Variants in TTC17 observed in about 807,000 individuals in gnomAD.
The protein encoded by TTC17 is tetratricopeptide repeat protein 17.
A neutral mutation model predicts 143.8 loss-of-function variants in TTC17; 58 were observed. That is an observed-to-expected ratio of 0.40 (90% confidence interval 0.33 to 0.50). The LOEUF (loss-of-function observed/expected upper bound fraction) is 0.50, where lower values mean the gene tolerates loss of function less well. TTC17 is among the 20% of genes least tolerant of loss of function. The pLI is 0.49. For synonymous variants in TTC17, 501 were observed against 497.8 expected (o/e 1.01, Z -0.09); for missense variants, 1,273 against 1,392.5 (o/e 0.91, Z 1.37).
intron 21 of TTC17, among the ~76,000 whole-genome samples, chr11:43,480,720 T>A (rs1226044867): frequency 6.6e-6 from 1 of 152,178 alleles, no homozygotes; most frequent in Non-Finnish European, 1.5e-5. Flanking sequence ...TCAAAAGCCC[T>A]TTTATTATGC....
rs192428020 is a variant in TTC17 at position 43,450,044 on chromosome 11, A to G, written c.2787-38A>G. 68 of 1,594,386 alleles carry G rather than the reference A, an allele frequency of 4.3e-5. No individual in the cohort carries two copies. In the Admixed American group the frequency reaches 1.2e-3, roughly 27 times the overall value. ...TCTCTTCTCTTCCCACCCACTCAAA[A>G]ATTTCCCATAGCTAATGTGGTAATC... On this transcript the variant is annotated intron_variant, in intron 19 of 23. Coordinates refer to ENST00000039989, the MANE Select transcript of TTC17 (RefSeq NM_018259.6).
At chr11:43,405,656 A>G (rs1430084113) in intron 12 of TTC17, 27 bp downstream of exon 12, 1 of 1,612,850 alleles carries the variant, frequency 6.2e-7, no homozygotes, top group South Asian at 1.1e-5. Flanking sequence ...TTGGCAAAGC[A>G]CCTGATTCTG....
chr11:43,376,150 A>G (rs1856757394), intron 1 of TTC17, among the ~76,000 whole-genome samples: 2 of 152,228 alleles, frequency 1.3e-5, no homozygotes, highest in South Asian at 4.1e-4. Flanking sequence ...GGATTTTCAG[A>G]TTAGGAATAT....
chr11:43,481,316 A>T (rs1209360114), intron 21 of TTC17, among the ~76,000 whole-genome samples: 1 of 151,526 alleles, frequency 6.6e-6, no homozygotes, highest in Non-Finnish European at 1.5e-5. Context: ...GTCAGTTTGT[A>T]CCTGTGTTTA....
chr11:43,386,847 G>C (rs186641277), intron 2 of TTC17, among the ~76,000 whole-genome samples: 1 of 152,212 alleles, frequency 6.6e-6, no homozygotes, highest in Admixed American at 6.5e-5. Flanking sequence ...AAAGCAGGTA[G>C]GATGATCATT....
At chr11:43,416,819 C>T (rs113047999) in intron 16 of TTC17, among the ~76,000 whole-genome samples, 1,547 of 152,196 alleles carry the variant, frequency 0.01, 29 homozygotes, top group African/African-American at 0.035. Flanking sequence ...GTTACTTAAT[C>T]CTGGAATATA....
rs755058098 is a variant in TTC17, at chr11:43,396,445, T to C, written c.664-264T>C. 10 of 237,608 alleles carry C rather than the reference T, an allele frequency of 4.2e-5. No individual in the cohort carries two copies. The East Asian group carries it at 7.1e-4, about 17-fold the overall frequency. 14.7% of individuals were successfully genotyped at this position (237,608 alleles called of 1,614,324 possible). On this transcript the variant is annotated intron_variant, in intron 5 of 23. Transcript: ENST00000039989. ...ATCAGTTGGTGGGATTTTTCTTATT[T>C]CCCTCTTGGAATAAGCTGGAGTTGG... is the stretch of plus-strand genomic sequence containing the variant.
Position 43,405,809 on chromosome 11 carries a change from A to G in TTC17, c.1619A>G (p.Asp540Gly). ...AGGATCCACGAACTCAGCAGTGATG[A>G]TTATTCTACAGAAGAAGAGGCCCAA... is the stretch of plus-strand genomic sequence containing the variant. ...GLRIHELSSD[D>G]YSTEEEAQTP... The change falls in exon 13 of 24, where the codon GAT (aspartate) becomes GGT (glycine). Residue 540 changes from aspartate (D) to glycine (G), a missense_variant. Around this residue, in one of 3 missense-constraint regions of TTC17, gnomAD observed 878 missense variants for 899.8 expected, o/e 0.98. Coordinates refer to ENST00000039989, the MANE Select transcript of TTC17 (RefSeq NM_018259.6). The G allele has an allele frequency of 6.2e-7, 1 of 1,614,032 alleles. No individual in the cohort carries two copies. Among genetic ancestry groups the G allele is most frequent in the South Asian group, 1.1e-5 (1 of 91,066 alleles).
At chr11:43,373,272 A>C (rs1451741306) in intron 1 of TTC17, among the ~76,000 whole-genome samples, 3 of 151,998 alleles carry the variant, frequency 2.0e-5, no homozygotes, top group African/African-American at 7.3e-5. Context: ...GTAGCCAGCC[A>C]CTGCTAATTA....
intron 7 of TTC17, 73 bp from the exon 8 acceptor site, chr11:43,397,901 C>CGTGTGTGTGTGTGT (rs368934799): frequency 5.6e-6 from 7 of 1,253,746 alleles, no homozygotes; most frequent in East Asian, 3.0e-5. Flanking sequence ...TTTTTTTTTC[C>CGTGTGTGTGTGTGT]GTGTGTGTGT....
chr11:43,392,349 T>C (rs925756363), intron 5 of TTC17, among the ~76,000 whole-genome samples: 1 of 152,162 alleles, frequency 6.6e-6, no homozygotes, highest in African/African-American at 2.4e-5. Context: ...CAACAAAATC[T>C]TCTGTAACTT....
At chr11:43,414,019 G>A (rs1487913520) in intron 15 of TTC17, among the ~76,000 whole-genome samples, 6 of 152,102 alleles carry the variant, frequency 3.9e-5, no homozygotes, top group East Asian at 1.9e-4. Flanking sequence ...CATAATAGAC[G>A]AAAGTGGAAA....
Position 43,403,923 on chromosome 11 carries a change from T to C in TTC17, c.1333-75T>C, listed in dbSNP as rs901629748. ...TAATTTTGAATATTCACTCGCTTTT[T>C]TGGTGTGAGTTAAATTATAATCACA... On this transcript the variant is annotated intron_variant, in intron 10 of 23. Transcript: ENST00000039989. The C allele has an allele frequency of 5.3e-6, 7 of 1,311,554 alleles. No individual in the cohort carries two copies. In the South Asian group the frequency reaches 6.2e-5, roughly 12 times the overall value. The allele number at this position is 1,311,554 out of a possible 1,614,324, so 81.2% of individuals were successfully genotyped here.
chr11:43,478,754 A>C (rs1006659415), intron 21 of TTC17, among the ~76,000 whole-genome samples: 6 of 152,038 alleles, frequency 3.9e-5, no homozygotes, highest in African/African-American at 1.4e-4. Context: ...GCAACCCCCA[A>C]AGTAGTTAGG....
In TTC17 at chr11:43,493,943, T is replaced by TA. The variant is rs772016604; in HGVS notation, c.*48dup. The TA allele has an allele frequency of 4.0e-4, 595 of 1,494,044 alleles. No homozygotes were observed. The highest frequency in any genetic ancestry group is 7.8e-4 in the South Asian group (58 of 74,028). The allele number at this position is 1,494,044 out of a possible 1,614,324, so 92.5% of individuals were successfully genotyped here. On this transcript the variant is annotated 3_prime_UTR_variant, in exon 24 of 24. Coordinates refer to ENST00000039989, the MANE Select transcript of TTC17 (RefSeq NM_018259.6). Reference sequence around the variant, plus strand: ...TCTCTCTTTCTCTTTACTCATGCTCTAAAAAAAAAGAATAAGAAAAGAAAC... The same window carrying TA: ...TCTCTCTTTCTCTTTACTCATGCTCTAAAAAAAAAAGAATAAGAAAAGAAAC...
Position 43,389,637 on chromosome 11 carries a change from CT to C in TTC17, c.250-12del, listed in dbSNP as rs753702648. On this transcript the variant is annotated splice_polypyrimidine_tract_variant and intron_variant, in intron 2 of 23. Coordinates refer to ENST00000039989, the MANE Select transcript of TTC17 (RefSeq NM_018259.6). ...ATTAGAAGAATCCATTCTGTTCTTACTTTCTTCTCAACAGAAACAATTAGTT... is the reference window on the plus strand; with the variant it reads ...ATTAGAAGAATCCATTCTGTTCTTACTTCTTCTCAACAGAAACAATTAGTT... 1 of 1,597,378 alleles carries C rather than the reference CT, an allele frequency of 6.3e-7. No individual in the cohort carries two copies. Among genetic ancestry groups the C allele is most frequent in the East Asian group, 2.2e-5 (1 of 44,526 alleles).
intron 21 of TTC17, among the ~76,000 whole-genome samples, chr11:43,454,133 G>A (rs534495936): frequency 6.6e-6 from 1 of 152,274 alleles, no homozygotes; most frequent in South Asian, 2.1e-4. Flanking sequence ...GAGAATATAT[G>A]AAAGGTAAAA....
At chr11:43,476,042 G>A (rs1315407828) in intron 21 of TTC17, among the ~76,000 whole-genome samples, 4 of 152,156 alleles carry the variant, frequency 2.6e-5, no homozygotes, top group African/African-American at 7.2e-5. Context: ...TTTATTTGCT[G>A]AAAAAACTAG....
rs752182875 is a variant in TTC17, at chr11:43,403,993, T to G, written c.1333-5T>G. The G allele has an allele frequency of 1.3e-6, 2 of 1,580,932 alleles. No individual in the cohort carries two copies. Among genetic ancestry groups the G allele is most frequent in the Non-Finnish European group, 1.7e-6 (2 of 1,164,132 alleles). ...TTTGATTGAACTTTTTGTTTCATTT[T>G]CTAGTTTGGTGAGGATTCATCAACC... is the stretch of plus-strand genomic sequence containing the variant. On this transcript the variant is annotated splice_region_variant and splice_polypyrimidine_tract_variant and intron_variant, in intron 10 of 23. Coordinates refer to ENST00000039989, the MANE Select transcript of TTC17 (RefSeq NM_018259.6).
Sources: allele counts gnomAD v4.1 joint callset (sites outside exome capture counted in the v4.1 genomes callset), GRCh38; gene constraint gnomAD v4.1.1; regional missense constraint gnomAD v4.1.1; transcripts MANE v1.5; gene names NCBI Gene and HGNC (gene_info 2026-07-23, HGNC 2026-07-21).